The following ADGRG3 variants were observed in gnomAD, a reference collection of about 807,000 sequenced individuals.
The protein encoded by ADGRG3 is G protein-coupled receptor 97.
A neutral mutation model predicts 54.3 loss-of-function variants in ADGRG3; 39 were observed. The observed-to-expected ratio is 0.72, with a 90% CI of 0.56 to 0.94. The LOEUF is 0.94. Among genes scored for constraint, ADGRG3 ranks in the 40% least tolerant of loss-of-function variants. The pLI is 0.00. For missense variants in ADGRG3, 654 were observed against 694.6 expected (o/e 0.94, Z 0.66); for synonymous variants, 312 against 290.0 (o/e 1.08, Z -0.77).
In ADGRG3 at chr16:57,685,860, T is replaced by C. The variant is rs755766595; in HGVS notation, c.1474T>C (p.Leu492=). The change falls in exon 11 of 12, where the codon TTG becomes CTG. Residue 492 remains leucine (L), a synonymous_variant. Transcript: ENST00000333493. ...GAGCCTGGTGGGTGTGACATGGGGGTTGGCCATCTTCACCCCGTTGGGCCT... is the reference window on the plus strand; with the variant it reads ...GAGCCTGGTGGGTGTGACATGGGGGCTGGCCATCTTCACCCCGTTGGGCCT... ...LSSLVGVTWG[L]AIFTPLGLST... is the part of the protein sequence containing the mutation. The C allele has an allele frequency of 3.7e-6, 6 of 1,613,808 alleles. No homozygotes were observed. The Admixed American group carries it at 5.0e-5, about 13-fold the overall frequency.
At chr16:57,686,028 AG>A in intron 11 of ADGRG3, 102 bp downstream of exon 11, 1 of 1,191,698 alleles carries the variant, frequency 8.4e-7, no homozygotes, top group Non-Finnish European at 1.2e-6. Flanking sequence ...GACTCTGTTC[AG>A]GCTAGCTGAA....
intron 10 of ADGRG3, among the ~76,000 whole-genome samples, chr16:57,685,270 G>A (rs1336848376): frequency 2.0e-5 from 3 of 152,218 alleles, no homozygotes; most frequent in African/African-American, 7.2e-5. Flanking sequence ...GCAGTCACAA[G>A]CCCATCTAAT....
chr16:57,668,532 C>T (rs1367298401), intron 1 of ADGRG3, 127 bp downstream of exon 1: 13 of 856,218 alleles, frequency 1.5e-5, no homozygotes, highest in East Asian at 8.0e-5. Context: ...ATGTGTCCTC[C>T]GATACCCCCC....
chr16:57,673,182 G>C (rs2048192641), intron 1 of ADGRG3, 139 bp from the exon 2 acceptor site: 1 of 767,234 alleles, frequency 1.3e-6, no homozygotes, highest in African/African-American at 1.7e-5. Context: ...TCCTGCTCAA[G>C]TGCACCGTTA....
At chr16:57,670,174 G>A (rs1389214471) in intron 1 of ADGRG3, among the ~76,000 whole-genome samples, 1 of 152,196 alleles carries the variant, frequency 6.6e-6, no homozygotes, top group Non-Finnish European at 1.5e-5. Flanking sequence ...CCCCAAATGA[G>A]GCAGTCCATG....
At position 57,683,944 on chromosome 16, in the gene ADGRG3, G is replaced by A. The variant is rs749524675; in HGVS notation, c.894G>A (p.Glu298=). 6.4e-7 allele frequency: 1 copy of A among 1,551,662 alleles called. No homozygotes were observed. Among genetic ancestry groups the A allele is most frequent in the Non-Finnish European group, 8.7e-7 (1 of 1,147,814 alleles). ...TTTCTCACCCCAGGCTTTCCCGGGA[G>A]AGGTTCAAGTCAGAAGATGCCCCAA... ...ILYAFLRLSR[E]RFKSEDAPKI... is the part of the protein sequence containing the mutation. The change falls in exon 9 of 12, where the codon GAG becomes GAA. Residue 298 remains glutamate (E), a synonymous_variant. Coordinates refer to ENST00000333493, the MANE Select transcript of ADGRG3 (RefSeq NM_170776.5).
In ADGRG3 at chr16:57,676,348, TC is replaced by T; in HGVS notation, c.345+14del. The stretch of plus-strand genomic sequence containing the variant: ...TCTGGAGCCCTCTCAGGTGAAGAGC[TC>T]CCCAGCCCTCTTGGCTGGTTCGGAC... On this transcript the variant is annotated intron_variant, in intron 3 of 11. Transcript: ENST00000333493. 2 of 1,613,138 alleles carry T rather than the reference TC, an allele frequency of 1.2e-6. No individual in the cohort carries two copies. Among genetic ancestry groups the T allele is most frequent in the Admixed American group, 3.3e-5 (2 of 59,986 alleles).
intron 3 of ADGRG3, 76 bp downstream of exon 3, chr16:57,676,414 G>C: frequency 4.3e-6 from 6 of 1,395,062 alleles, no homozygotes; most frequent in Non-Finnish European, 6.0e-6. Context: ...CTCTAAGAGA[G>C]TTATATCCTG....
At position 57,688,434 on chromosome 16, in the gene ADGRG3, C is replaced by T. The variant is rs1214069212; in HGVS notation, c.1623C>T (p.Asp541=). 12 of 1,609,758 alleles carry T rather than the reference C, an allele frequency of 7.5e-6. No homozygotes were observed. Among genetic ancestry groups the T allele is most frequent in the African/African-American group, 2.7e-5 (2 of 74,812 alleles). ...TTVSSSTARL[D]QAHSASQE is the part of the protein sequence containing the mutation. Reference sequence around the variant, plus strand: ...TCTCCTCCTCTACTGCAAGATTGGACCAGGCCCACTCCGCATCTCAAGAAT... The same window carrying T: ...TCTCCTCCTCTACTGCAAGATTGGATCAGGCCCACTCCGCATCTCAAGAAT... The change falls in exon 12 of 12, where the codon GAC becomes GAT. Residue 541 remains aspartate (D), a synonymous_variant. Transcript: ENST00000333493.
intron 11 of ADGRG3, 86 bp from the exon 12 acceptor site, chr16:57,688,266 C>T: frequency 1.2e-6 from 1 of 842,538 alleles, no homozygotes; most frequent in Admixed American, 1.7e-5. Flanking sequence ...CGGTGGGTCT[C>T]CTCCCTCTCA....
intron 8 of ADGRG3, among the ~76,000 whole-genome samples, chr16:57,683,067 G>A (rs1203664726): frequency 4.6e-5 from 7 of 152,258 alleles, no homozygotes; most frequent in African/African-American, 1.7e-4. Flanking sequence ...CCTCCAAGGG[G>A]CATTTGAAAG....
Position 57,680,589 on chromosome 16 carries a change from T to A in ADGRG3, c.853T>A (p.Phe285Ile), listed in dbSNP as rs1597772642. Reference sequence around the variant, plus strand: ...TGGGGTCTCCATGATCTTCCTGGCCTTCACCATTATTCTTTATGCCTTTCT... The same window carrying A: ...TGGGGTCTCCATGATCTTCCTGGCCATCACCATTATTCTTTATGCCTTTCT... ...GCGVSMIFLA[F>I]TIILYAFLRL... The change falls in exon 8 of 12, where the codon TTC becomes ATC. Residue 285 changes from phenylalanine to isoleucine, a missense_variant. Transcript: ENST00000333493. 2.5e-6 allele frequency: 4 copies of A among 1,613,024 alleles called. No individual in the cohort carries two copies. In the African/African-American group the frequency reaches 5.3e-5, roughly 22 times the overall value.
At chr16:57,669,592 CA>C (rs2048116816) in intron 1 of ADGRG3, among the ~76,000 whole-genome samples, 4 of 152,216 alleles carry the variant, frequency 2.6e-5, no homozygotes, top group Non-Finnish European at 5.9e-5. Flanking sequence ...GGCAGAGCAG[CA>C]GCCATTTGAT....
chr16:57,671,522 G>A (rs530474611), intron 1 of ADGRG3, among the ~76,000 whole-genome samples: 1 of 151,986 alleles, frequency 6.6e-6, no homozygotes, highest in African/African-American at 2.4e-5. Flanking sequence ...TGTATGTTTA[G>A]TAGGGCTTCC....
In ADGRG3 at chr16:57,688,256, C is replaced by T. The variant is rs563661922; in HGVS notation, c.1541-96C>T. 96 of 792,244 alleles carry T rather than the reference C, an allele frequency of 1.2e-4. No homozygotes were observed. In the East Asian group the frequency reaches 2.2e-3, roughly 18 times the overall value. The allele number at this position is 792,244 out of a possible 1,614,324, so 49.1% of individuals were successfully genotyped here. ...TTTCCCAGCAGTTCTTGAGTGGTTA[C>T]GGTGGGTCTCCTCCCTCTCAGCAGC... On this transcript the variant is annotated intron_variant, in intron 11 of 11. Transcript: ENST00000333493.
At chr16:57,687,120 G>A (rs1446563376) in intron 11 of ADGRG3, among the ~76,000 whole-genome samples, 10 of 152,234 alleles carry the variant, frequency 6.6e-5, no homozygotes. Context: ...TGAGAGATGT[G>A]TGGCTTAGTG....
rs768957745 is a variant in ADGRG3 at position 57,673,498 on chromosome 16, A to C, written c.206+30A>C. Reference sequence around the variant, plus strand: ...GGGGGCCCCCTGAGCTGGAGGGGGAATCTGAAGCTGCTGGGAGGAGGACTA... The same window carrying C: ...GGGGGCCCCCTGAGCTGGAGGGGGACTCTGAAGCTGCTGGGAGGAGGACTA... On this transcript the variant is annotated intron_variant, in intron 2 of 11. Coordinates refer to ENST00000333493, the MANE Select transcript of ADGRG3 (RefSeq NM_170776.5). 11 of 1,581,922 alleles carry C rather than the reference A, an allele frequency of 7.0e-6. No homozygotes were observed. The South Asian group carries it at 1.2e-4, about 18-fold the overall frequency.
intron 10 of ADGRG3, 50 bp from the exon 11 acceptor site, chr16:57,685,593 C>A: frequency 6.3e-7 from 1 of 1,579,040 alleles, no homozygotes; most frequent in Non-Finnish European, 8.7e-7. Flanking sequence ...CCTGGGTTTG[C>A]TGGCCAGAGG....
chr16:57,686,377 A>G lies in ADGRG3; in HGVS notation c.1540+451A>G, dbSNP rs1470474045. Reference sequence around the variant, plus strand: ...ATGAACTCCAAGTGAGCACTCACTCATCACCAAGGGGATAGTGCTAAGCCA... The same window carrying G: ...ATGAACTCCAAGTGAGCACTCACTCGTCACCAAGGGGATAGTGCTAAGCCA... On this transcript the variant is annotated intron_variant, in intron 11 of 11. Transcript: ENST00000333493. Among the ~76,000 whole-genome samples, 4 of 152,278 alleles carry G rather than the reference A, an allele frequency of 2.6e-5. No individual in the cohort carries two copies. In the East Asian group the frequency reaches 5.8e-4, roughly 22 times the overall value.
Sources: allele counts gnomAD v4.1 joint callset (sites outside exome capture counted in the v4.1 genomes callset), GRCh38; gene constraint gnomAD v4.1.1; transcripts MANE v1.5; gene names NCBI Gene and HGNC (gene_info 2026-07-23, HGNC 2026-07-21).